HYLS1: variants seen among roughly 807,000 people sequenced by gnomAD.
The protein encoded by HYLS1 is HYLS1 centriolar and ciliogenesis associated.
A neutral mutation model predicts 29.4 loss-of-function variants in HYLS1; 25 were observed. That is an observed-to-expected ratio of 0.85 (90% CI 0.62 to 1.19). The LOEUF (loss-of-function observed/expected upper bound fraction) is 1.19, where lower values mean the gene tolerates loss of function less well. Among genes scored for constraint, HYLS1 ranks in the 50% most tolerant of loss-of-function variants. HYLS1 has a pLI of 0.00. For missense variants in HYLS1, 352 were observed against 365.1 expected (o/e 0.96, Z 0.29); for synonymous variants, 128 against 126.7 (o/e 1.01, Z -0.07).
rs778410876 is a variant in HYLS1 at position 125,900,161 on chromosome 11, C to T, written c.793C>T (p.Leu265=). The T allele has an allele frequency of 2.5e-6, 4 of 1,614,196 alleles. No individual in the cohort carries two copies. The Admixed American group carries it at 5.0e-5, about 20-fold the overall frequency. ...PQHIYVPNNY[L]VPTEKKRSAL... is the part of the protein sequence containing the mutation. Reference sequence around the variant, plus strand: ...GCATATATATGTCCCAAACAATTATCTAGTACCAACAGAGAAGAAAAGGTC... The same window carrying T: ...GCATATATATGTCCCAAACAATTATTTAGTACCAACAGAGAAGAAAAGGTC... Residue 265 remains leucine (L), a synonymous_variant, in exon 3 of 3, where the codon CTA becomes TTA. Transcript: ENST00000425380.
Position 125,895,454 on chromosome 11 carries a change from C to A in HYLS1, c.-25-3890C>A, listed in dbSNP as rs1944553086. ...GTACTTGAGCAGATAGAATAGTCCT[C>A]TGAAAATTAATCACACCGTTGGCTA... On this transcript the variant is annotated intron_variant, in intron 2 of 2. Coordinates refer to ENST00000425380, the MANE Select transcript of HYLS1 (RefSeq NM_001134793.2). 1.9e-6 allele frequency: 3 copies of A among 1,614,034 alleles called. No homozygotes were observed. The highest frequency in any genetic ancestry group is 2.5e-6 in the Non-Finnish European group (3 of 1,180,020).
At chr11:125,888,694 G>C (rs1031146915) in intron 1 of HYLS1, among the ~76,000 whole-genome samples, 2 of 150,770 alleles carry the variant, frequency 1.3e-5, no homozygotes, top group Non-Finnish European at 2.9e-5. Flanking sequence ...TCTTGAACCC[G>C]GGAGGGAGAG....
chr11:125,894,298 G>C, intron 2 of HYLS1: 1 of 1,578,854 alleles, frequency 6.3e-7, no homozygotes, highest in African/African-American at 1.4e-5. Context: ...TAGAGAAAAA[G>C]AGAAAAGAAA....
chr11:125,887,407 C>T (rs1011309832), upstream of HYLS1: 24 of 152,366 alleles, frequency 1.6e-4, no homozygotes, highest in Non-Finnish European at 3.2e-4. Context: ...ACACCAGAGG[C>T]GTCGCAGCAA....
chr11:125,886,387 G>T (rs751073326), upstream of HYLS1, among the ~76,000 whole-genome samples: 4 of 152,082 alleles, frequency 2.6e-5, no homozygotes, highest in Non-Finnish European at 4.4e-5. Flanking sequence ...ACTGAATCCT[G>T]GATTTAAGAA....
chr11:125,892,469 C>T (rs982880280), intron 2 of HYLS1, among the ~76,000 whole-genome samples: 6 of 152,214 alleles, frequency 3.9e-5, no homozygotes, highest in African/African-American at 1.4e-4. Context: ...CACTTATTAA[C>T]TTTGAGAACA....
chr11:125,897,885 T>G (rs942024919), intron 2 of HYLS1, among the ~76,000 whole-genome samples: 5 of 152,152 alleles, frequency 3.3e-5, no homozygotes, highest in African/African-American at 1.2e-4. Flanking sequence ...CACAAATAGA[T>G]AAAAACTTGC....
intron 2 of HYLS1, among the ~76,000 whole-genome samples, chr11:125,894,584 T>C (rs1944517472): frequency 6.6e-6 from 1 of 152,232 alleles, no homozygotes; most frequent in Admixed American, 6.5e-5. Context: ...TTTTCCAAAT[T>C]TGTTAATGGC....
upstream of HYLS1, chr11:125,887,551 C>T (rs1426452044): frequency 6.6e-6 from 1 of 152,274 alleles, no homozygotes; most frequent in Non-Finnish European, 1.5e-5. Flanking sequence ...ACTTGGAGGA[C>T]GTTTACCCTC....
chr11:125,900,062 G>A lies in HYLS1; in HGVS notation c.694G>A (p.Asp232Asn), dbSNP rs758211470. Residue 232 changes from aspartate to asparagine, a missense_variant, in exon 3 of 3, where the codon GAT becomes AAT. Asp to Asn is a conservative substitution (Grantham distance 23). Coordinates refer to ENST00000425380, the MANE Select transcript of HYLS1 (RefSeq NM_001134793.2). ...DWDSIRLPGE[D>N]HRKELRWGVR... ...GGACTCAATACGTTTACCTGGTGAA[G>A]ATCATAGAAAGGAATTACGCTGGGG... 1.2e-6 allele frequency: 2 copies of A among 1,614,214 alleles called. No homozygotes were observed. Among genetic ancestry groups the A allele is most frequent in the Non-Finnish European group, 1.7e-6 (2 of 1,180,038 alleles).
intron 2 of HYLS1, among the ~76,000 whole-genome samples, chr11:125,895,013 A>AT (rs1231825678): frequency 6.6e-6 from 1 of 151,796 alleles, no homozygotes; most frequent in African/African-American, 2.4e-5. Flanking sequence ...TGACTTCGTT[A>AT]TTTAGACAGT....
At chr11:125,888,769 CA>C (rs34094193) in intron 1 of HYLS1, among the ~76,000 whole-genome samples, 27 of 34,674 alleles carry the variant, frequency 7.8e-4, no homozygotes, top group Non-Finnish European at 1.1e-3. Flanking sequence ...ACTCTTGTCT[CA>C]AAAAAAAAAA....
chr11:125,890,049 T>C (rs896585319), intron 1 of HYLS1, among the ~76,000 whole-genome samples: 2 of 152,178 alleles, frequency 1.3e-5, no homozygotes, highest in African/African-American at 4.8e-5. Context: ...AGCGGTCCTC[T>C]TGCTTCAGCC....
intron 2 of HYLS1, among the ~76,000 whole-genome samples, chr11:125,897,187 G>A (rs573585538): frequency 3.9e-5 from 6 of 152,108 alleles, no homozygotes; most frequent in Non-Finnish European, 8.8e-5. Context: ...CTGTTCTAAG[G>A]CCATGTTATC....
At chr11:125,886,910 A>T (rs1389246342), upstream of HYLS1, 1 of 88,226 alleles carries the variant, frequency 1.1e-5, no homozygotes, top group Non-Finnish European at 2.2e-5. Context: ...CAAGAGGGAA[A>T]CTCCGTCTCA....
chr11:125,900,222 A>G lies in HYLS1; in HGVS notation c.854A>G (p.Asn285Ser). 1.9e-6 allele frequency: 3 copies of G among 1,614,154 alleles called. No homozygotes were observed. Among genetic ancestry groups the G allele is most frequent in the Non-Finnish European group, 2.5e-6 (3 of 1,179,992 alleles). Residue 285 changes from asparagine (N) to serine (S), a missense_variant, in exon 3 of 3, where the codon AAT (asparagine) becomes AGT (serine). Coordinates refer to ENST00000425380, the MANE Select transcript of HYLS1 (RefSeq NM_001134793.2). ...LRWGVRCDLANGVIPRKLPFP... is the reference protein window; with the variant it reads ...LRWGVRCDLASGVIPRKLPFP... ...TGGGGTGTTCGTTGTGACCTTGCAAATGGTGTCATACCCAGGAAGCTTCCC... is the reference window on the plus strand; with the variant it reads ...TGGGGTGTTCGTTGTGACCTTGCAAGTGGTGTCATACCCAGGAAGCTTCCC...
At chr11:125,889,773 C>G (rs1012847004) in intron 1 of HYLS1, among the ~76,000 whole-genome samples, 2 of 152,072 alleles carry the variant, frequency 1.3e-5, no homozygotes, top group Non-Finnish European at 2.9e-5. Flanking sequence ...CCAAACTGCC[C>G]TCTGGAAAAA....
chr11:125,894,438 C>T (rs1944513547), intron 2 of HYLS1: 1 of 623,210 alleles, frequency 1.6e-6, no homozygotes. Flanking sequence ...CTCACCATCC[C>T]TAACCTTGAA....
rs559964749 is a variant in HYLS1 at position 125,899,047 on chromosome 11, C to A, written c.-25-297C>A. ...ACATAATGTGCATTAAGCAGTATGCCCCATATCATGTAGTTTCAAGCTTTT... is the reference window on the plus strand; with the variant it reads ...ACATAATGTGCATTAAGCAGTATGCACCATATCATGTAGTTTCAAGCTTTT... On this transcript the variant is annotated intron_variant, in intron 2 of 2. Coordinates refer to ENST00000425380, the MANE Select transcript of HYLS1 (RefSeq NM_001134793.2). The A allele has an allele frequency of 4.8e-3, 1,461 of 304,692 alleles. 6 individuals carry two copies. The highest frequency in any genetic ancestry group is 7.2e-3 in the Middle Eastern group (7 of 974). The allele number at this position is 304,692 out of a possible 1,614,324, so 18.9% of individuals were successfully genotyped here. A position where few individuals can be genotyped will look rare whatever the true frequency, so the allele number is the denominator to read the frequency against.
Sources: allele counts gnomAD v4.1 joint callset (sites outside exome capture counted in the v4.1 genomes callset), GRCh38; gene constraint gnomAD v4.1.1; transcripts MANE v1.5; gene names NCBI Gene and HGNC (gene_info 2026-07-23, HGNC 2026-07-21).